Variants in FRRS1L observed in about 807,000 individuals in gnomAD.
FRRS1L encodes ferric chelate reductase 1 like.
Under a neutral mutation model 28.6 loss-of-function variants are expected in FRRS1L, and 22 were observed. The observed-to-expected ratio is 0.77, with a 90% CI of 0.55 to 1.10. FRRS1L has a LOEUF of 1.10. FRRS1L is among the 50% of genes least tolerant of loss of function. FRRS1L has a pLI of 0.00. For missense variants in FRRS1L, 380 were observed against 386.9 expected (o/e 0.98, Z 0.15); for synonymous variants, 158 against 151.4 (o/e 1.04, Z -0.32).
chr9:109,135,176 G>A lies in FRRS1L; in HGVS notation c.*2279C>T, dbSNP rs999336646. The A allele has an allele frequency of 6.6e-6, 1 of 152,156 alleles. No individual in the cohort carries two copies. Among genetic ancestry groups the A allele is most frequent in the Non-Finnish European group, 1.5e-5 (1 of 68,042 alleles). The allele number at this position is 152,156 out of a possible 1,614,324, so 9.4% of individuals were successfully genotyped here. A position where few individuals can be genotyped will look rare whatever the true frequency, so the allele number is the denominator to read the frequency against. On this transcript the variant is annotated 3_prime_UTR_variant, in exon 5 of 5. Coordinates refer to ENST00000561981, the MANE Select transcript of FRRS1L (RefSeq NM_014334.4). ...ACCTGTGACATGAATCTGGAGGGTG[G>A]TATTAGAAATCACAATCACCAGTGT... is the stretch of plus-strand genomic sequence containing the variant.
intron 3 of FRRS1L, among the ~76,000 whole-genome samples, chr9:109,145,896 T>C (rs150005982): frequency 0.012 from 1,859 of 152,142 alleles, 19 homozygotes; most frequent in Non-Finnish European, 0.02. Context: ...ATAGCCTTCA[T>C]AATAAATGAG....
intron 3 of FRRS1L, among the ~76,000 whole-genome samples, chr9:109,142,629 T>C (rs1285799237): frequency 6.6e-6 from 1 of 151,984 alleles, no homozygotes; most frequent in Non-Finnish European, 1.5e-5. Flanking sequence ...GTCTAGGCAA[T>C]ACAGTGAGAC....
intron 4 of FRRS1L, 193 bp downstream of exon 4, chr9:109,141,150 T>G: frequency 3.2e-6 from 2 of 617,386 alleles, no homozygotes; most frequent in South Asian, 4.0e-5. Context: ...ACTGTTCATT[T>G]GTTTGTCCGT....
At chr9:109,166,444 A>G (rs772847346) in intron 1 of FRRS1L, among the ~76,000 whole-genome samples, 1 of 152,132 alleles carries the variant, frequency 6.6e-6, no homozygotes, top group Non-Finnish European at 1.5e-5. Flanking sequence ...ATTTAAGTCA[A>G]TACAGACAGG....
intron 3 of FRRS1L, 113 bp downstream of exon 3, chr9:109,146,938 C>G (rs750013774): frequency 4.0e-5 from 38 of 952,170 alleles, no homozygotes; most frequent in Non-Finnish European, 5.6e-5. Context: ...AATCAGAGAG[C>G]CATAACTAAT....
rs1004788802 is a variant in FRRS1L, at chr9:109,133,206, C to T, written c.*4249G>A. The stretch of plus-strand genomic sequence containing the variant: ...AAGCACTGGGCTCCAAGTTAGAAGA[C>T]CTAGGTTTTAGGCAATTTCTTTTAA... On this transcript the variant is annotated 3_prime_UTR_variant, in exon 5 of 5. Coordinates refer to ENST00000561981, the MANE Select transcript of FRRS1L (RefSeq NM_014334.4). The T allele has an allele frequency of 2.0e-5, 3 of 152,086 alleles. No individual in the cohort carries two copies. The allele number at this position is 152,086 out of a possible 1,614,324, so 9.4% of individuals were successfully genotyped here. A position where few individuals can be genotyped will look rare whatever the true frequency, so the allele number is the denominator to read the frequency against.
At position 109,147,118 on chromosome 9, in the gene FRRS1L, A is replaced by G. The variant is rs149005559; in HGVS notation, c.395T>C (p.Val132Ala). 156 of 1,613,424 alleles carry G rather than the reference A, an allele frequency of 9.7e-5. No individual in the cohort carries two copies. In the African/African-American group the frequency reaches 1.8e-3, roughly 19 times the overall value. ...FLSYRMIGADVEFELSADTDG... is the reference protein window; with the variant it reads ...FLSYRMIGADAEFELSADTDG... ...TGTGTCTGCACTCAGCTCAAATTCT[A>G]CATCAGCCCCTATCATCCGGTAGCT... The change falls in exon 3 of 5, where the codon GTA becomes GCA. Residue 132 changes from valine to alanine, a missense_variant. Transcript: ENST00000561981.
chr9:109,148,540 G>A (rs1254511420), intron 2 of FRRS1L: 1 of 152,144 alleles, frequency 6.6e-6, no homozygotes, highest in Admixed American at 6.5e-5. Context: ...GCAATGGGTG[G>A]GACAATATAC....
At chr9:109,152,487 T>A (rs902370891) in intron 1 of FRRS1L, among the ~76,000 whole-genome samples, 1 of 150,904 alleles carries the variant, frequency 6.6e-6, no homozygotes, top group African/African-American at 2.4e-5. Context: ...GTAATAACCA[T>A]TGGGTACGAT....
rs1831251333 is a variant in FRRS1L, at chr9:109,145,772, A to C, written c.462+1279T>G. Among the ~76,000 whole-genome samples the C allele has an allele frequency of 2.6e-5, 4 of 152,048 alleles. No individual in the cohort carries two copies. In the South Asian group the frequency reaches 8.3e-4, roughly 32 times the overall value. ...GATGAGCTTCTGGATTGCTGAACAGATGGAGGTGCCTGAAGGGTAGCACAC... is the reference window on the plus strand; with the variant it reads ...GATGAGCTTCTGGATTGCTGAACAGCTGGAGGTGCCTGAAGGGTAGCACAC... On this transcript the variant is annotated intron_variant, in intron 3 of 4. Coordinates refer to ENST00000561981, the MANE Select transcript of FRRS1L (RefSeq NM_014334.4).
At chr9:109,147,363 A>T in intron 2 of FRRS1L, 174 bp from the exon 3 acceptor site, 1 of 594,440 alleles carries the variant, frequency 1.7e-6, no homozygotes, top group South Asian at 2.1e-5. Flanking sequence ...CTTAGAGATG[A>T]TCTGCCCCAC....
intron 1 of FRRS1L, chr9:109,152,043 A>G (rs966078124): frequency 1.3e-5 from 2 of 152,188 alleles, no homozygotes; most frequent in Non-Finnish European, 2.9e-5. Context: ...ATCTTCTTCC[A>G]TTTTCAAACA....
chr9:109,155,233 A>G (rs1176380774), intron 1 of FRRS1L, among the ~76,000 whole-genome samples: 2 of 152,196 alleles, frequency 1.3e-5, no homozygotes, highest in African/African-American at 2.4e-5. Flanking sequence ...TGCTCTTAAT[A>G]TATCACTTGT....
At chr9:109,143,111 T>C (rs796147613) in intron 3 of FRRS1L, among the ~76,000 whole-genome samples, 45 of 152,170 alleles carry the variant, frequency 3.0e-4, no homozygotes, top group African/African-American at 1.0e-3. Flanking sequence ...GGTCAGGAGT[T>C]CAAGACCAGC....
chr9:109,153,180 A>T (rs371897957), intron 1 of FRRS1L, among the ~76,000 whole-genome samples: 1 of 152,144 alleles, frequency 6.6e-6, no homozygotes, highest in South Asian at 2.1e-4. Context: ...CTTGGATTAC[A>T]CCTGAGTTTA....
At chr9:109,141,088 C>A in intron 4 of FRRS1L, 1 of 534,234 alleles carries the variant, frequency 1.9e-6, no homozygotes, top group Non-Finnish European at 3.4e-6. Context: ...TTTCATTAAG[C>A]ACATCACTCA....
intron 3 of FRRS1L, among the ~76,000 whole-genome samples, chr9:109,143,978 G>T (rs1831221936): frequency 6.6e-6 from 1 of 151,896 alleles, no homozygotes; most frequent in Non-Finnish European, 1.5e-5. Context: ...TACTTTATAG[G>T]CCTTTAGATA....
At chr9:109,160,847 C>T (rs1339385960) in intron 1 of FRRS1L, among the ~76,000 whole-genome samples, 1 of 141,776 alleles carries the variant, frequency 7.1e-6, no homozygotes, top group African/African-American at 2.7e-5. Context: ...AGCTGGAGTG[C>T]AATGGCATGA....
In FRRS1L at chr9:109,132,317, GA is replaced by G. The variant is rs1463977023; in HGVS notation, c.*5137del. 2 of 152,172 alleles carry G rather than the reference GA, an allele frequency of 1.3e-5. No individual in the cohort carries two copies. The highest frequency in any genetic ancestry group is 2.9e-5 in the Non-Finnish European group (2 of 68,040). 9.4% of individuals were successfully genotyped at this position (152,172 alleles called of 1,614,324 possible). On this transcript the variant is annotated 3_prime_UTR_variant, in exon 5 of 5. Transcript: ENST00000561981. Reference sequence around the variant, plus strand: ...CATCTCTAGGTTAATGAATTACTCTGAAACACTGAAATCCTTACCATGAAGA... The same window carrying G: ...CATCTCTAGGTTAATGAATTACTCTGAACACTGAAATCCTTACCATGAAGA...
Sources: gnomAD v4.1 joint callset for allele counts (sites outside exome capture counted in the v4.1 genomes callset) on GRCh38, gnomAD v4.1.1 for gene constraint, MANE v1.5 for transcripts, NCBI Gene and HGNC (gene_info 2026-07-23, HGNC 2026-07-21) for gene names.